Variants in HAUS2 observed in about 807,000 individuals in gnomAD.
HAUS2 encodes HAUS augmin-like complex subunit 2.
In HAUS2, 20 loss-of-function variants were observed where a neutral mutation model predicts 21.6. The observed-to-expected ratio is 0.93, with a 90% confidence interval of 0.65 to 1.35. HAUS2 has a LOEUF of 1.35. Ranked by LOEUF, HAUS2 falls within the 40% of genes most tolerant of loss-of-function variation. The pLI is 0.00. For synonymous variants in HAUS2, 113 were observed against 95.6 expected, an observed-to-expected ratio of 1.18 and a Z score of -1.06; for missense variants, 297 against 280.7, an observed-to-expected ratio of 1.06 and a Z score of -0.42.
rs1196388265 is a variant in HAUS2 at position 42,569,472 on chromosome 15, A to C, written c.*2656A>C. On this transcript the variant is annotated 3_prime_UTR_variant, in exon 6 of 6. Transcript: ENST00000260372. ...TAGGCACGCGCCACCACGCCTGGCT[A>C]ATTTTTGTATTTTCTGTAGAGACAG... 6.6e-6 allele frequency: 1 copy of C among 151,676 alleles called. No homozygotes were observed. The highest frequency in any genetic ancestry group is 1.5e-5 in the Non-Finnish European group (1 of 67,992). 9.4% of individuals were successfully genotyped at this position (151,676 alleles called of 1,614,324 possible).
chr15:42,558,413 C>T (rs756970907), intron 2 of HAUS2, 123 bp downstream of exon 2: 23 of 541,916 alleles, frequency 4.2e-5, no homozygotes, highest in African/African-American at 6.0e-5. Context: ...CTGCAAACTC[C>T]GCCTCCCAGG....
At chr15:42,556,952 G>A (rs1260814319) in intron 1 of HAUS2, among the ~76,000 whole-genome samples, 2 of 151,896 alleles carry the variant, frequency 1.3e-5, no homozygotes, top group East Asian at 3.9e-4. Flanking sequence ...GCTAAGGCAG[G>A]AGAATCAGTT....
Position 42,552,097 on chromosome 15 carries a change from A to G in HAUS2, c.93+3132A>G, listed in dbSNP as rs556562437. Reference sequence around the variant, plus strand: ...GAGTACAGTGGCACAATCTTGGCTCACTGCAACCTCCGCCTCCTTGGTTCA... The same window carrying G: ...GAGTACAGTGGCACAATCTTGGCTCGCTGCAACCTCCGCCTCCTTGGTTCA... On this transcript the variant is annotated intron_variant, in intron 1 of 5. Coordinates refer to ENST00000260372, the MANE Select transcript of HAUS2 (RefSeq NM_018097.3). 3.7e-4 allele frequency among the ~76,000 whole-genome samples: 56 copies of G among 151,928 alleles called. 1 individual carries two copies. The South Asian group carries it at 0.011, about 30-fold the overall frequency.
At chr15:42,552,906 G>A (rs1264217461) in intron 1 of HAUS2, among the ~76,000 whole-genome samples, 1 of 151,992 alleles carries the variant, frequency 6.6e-6, no homozygotes, top group African/African-American at 2.4e-5. Flanking sequence ...GTATGAAAAG[G>A]AAGGGATAGG....
At chr15:42,554,430 T>C (rs2057752293) in intron 1 of HAUS2, among the ~76,000 whole-genome samples, 1 of 152,086 alleles carries the variant, frequency 6.6e-6, no homozygotes, top group East Asian at 1.9e-4. Context: ...ATGTAAACTC[T>C]GTACTATTCC....
chr15:42,552,731 A>G (rs961683265), intron 1 of HAUS2, among the ~76,000 whole-genome samples: 6 of 152,286 alleles, frequency 3.9e-5, no homozygotes, highest in African/African-American at 1.4e-4. Flanking sequence ...TTGGCAATTA[A>G]TAAGATCAGG....
intron 1 of HAUS2, among the ~76,000 whole-genome samples, chr15:42,555,225 A>G (rs531737756): frequency 7.9e-5 from 12 of 151,334 alleles, no homozygotes; most frequent in Admixed American, 7.2e-4. Context: ...TGACCTCGTG[A>G]TCTGCCCACC....
chr15:42,552,577 G>GTT (rs2057736781), intron 1 of HAUS2, among the ~76,000 whole-genome samples: 2 of 152,168 alleles, frequency 1.3e-5, no homozygotes, highest in Non-Finnish European at 2.9e-5. Context: ...TTTGGTGAAA[G>GTT]AAAGGTAGGG....
intron 1 of HAUS2, among the ~76,000 whole-genome samples, chr15:42,552,861 C>T (rs2057738852): frequency 6.6e-6 from 1 of 152,144 alleles, no homozygotes; most frequent in Admixed American, 6.5e-5. Flanking sequence ...CTCTGCTATA[C>T]TACCTCCCTT....
chr15:42,551,027 C>T (rs1417274044), intron 1 of HAUS2, among the ~76,000 whole-genome samples: 2 of 139,766 alleles, frequency 1.4e-5, no homozygotes, highest in African/African-American at 2.7e-5. Context: ...ACATAGTCTC[C>T]CTCTGTTGCC....
At chr15:42,553,179 G>T (rs185882380) in intron 1 of HAUS2, among the ~76,000 whole-genome samples, 471 of 152,028 alleles carry the variant, frequency 3.1e-3, no homozygotes, top group African/African-American at 0.011. Flanking sequence ...TAGAGACGGG[G>T]TTTCACCATG....
At chr15:42,560,832 A>G (rs1457851606) in intron 3 of HAUS2, 11 of 702,142 alleles carry the variant, frequency 1.6e-5, no homozygotes, top group South Asian at 4.4e-5. Context: ...CATGGCCTCA[A>G]TTCTCCCGTT....
chr15:42,548,922 G>A lies in HAUS2; in HGVS notation c.50G>A (p.Gly17Glu). The A allele has an allele frequency of 1.3e-6, 2 of 1,552,146 alleles. No individual in the cohort carries two copies. The highest frequency in any genetic ancestry group is 1.2e-5 in the South Asian group (1 of 84,144). ...CCGGCGTCCGCGCCTAACGGCGCTG[G>A]GCTAGTGCTAGGCCACTTCATAGCT... Reference protein sequence around the residue: ...WDPASAPNGAGLVLGHFIASG... With the variant: ...WDPASAPNGAELVLGHFIASG... The change falls in exon 1 of 6, where the codon GGG becomes GAG. Residue 17 changes from glycine (G) to glutamate (E), a missense_variant. Gly to Glu is a moderately conservative substitution (Grantham distance 98). Transcript: ENST00000260372.
rs766840791 is a variant in HAUS2 at position 42,566,737 on chromosome 15, A to G, written c.629A>G (p.Tyr210Cys). ...CCCAAAATATTAGCTGAAGAAAGTT[A>G]TCTTTATAAACATGATATTATAATG... is the stretch of plus-strand genomic sequence containing the variant. ...CIPKILAEES[Y>C]LYKHDIIMPP... Residue 210 changes from tyrosine (Y) to cysteine (C), a missense_variant, in exon 6 of 6, where the codon TAT (tyrosine) becomes TGT (cysteine). Coordinates refer to ENST00000260372, the MANE Select transcript of HAUS2 (RefSeq NM_018097.3). 2 of 1,559,506 alleles carry G rather than the reference A, an allele frequency of 1.3e-6. No homozygotes were observed. Among genetic ancestry groups the G allele is most frequent in the Non-Finnish European group, 1.8e-6 (2 of 1,130,530 alleles).
At chr15:42,553,479 C>CT (rs11434263) in intron 1 of HAUS2, among the ~76,000 whole-genome samples, 38,311 of 147,524 alleles carry the variant, frequency 0.26, 5,246 homozygotes, top group African/African-American at 0.36. Context: ...ATACTTTTTT[C>CT]TTTTTTTTTT....
At chr15:42,550,284 G>GAA (rs61442261) in intron 1 of HAUS2, among the ~76,000 whole-genome samples, 86 of 98,358 alleles carry the variant, frequency 8.7e-4, no homozygotes, top group African/African-American at 1.9e-3. Flanking sequence ...CTGTCTCAGG[G>GAA]AAAAAAAAAA....
At chr15:42,555,092 C>T (rs1310185296) in intron 1 of HAUS2, among the ~76,000 whole-genome samples, 2 of 151,378 alleles carry the variant, frequency 1.3e-5, no homozygotes, top group African/African-American at 4.9e-5. Context: ...TGGGTTCAAG[C>T]GATTCTCCTG....
Position 42,561,252 on chromosome 15 carries a change from G to GT in HAUS2, c.257-12dup, listed in dbSNP as rs577648248. 48 of 1,478,914 alleles carry GT rather than the reference G, an allele frequency of 3.2e-5. No homozygotes were observed. Among genetic ancestry groups the GT allele is most frequent in the Non-Finnish European group, 4.2e-5 (45 of 1,060,528 alleles). The allele number at this position is 1,478,914 out of a possible 1,614,324, so 91.6% of individuals were successfully genotyped here. A position where few individuals can be genotyped will look rare whatever the true frequency, so the allele number is the denominator to read the frequency against. ...TGTCCTATTGCTAACTATAATTACTGTTTTTTAATTTGTATAGCTCAGAAG... is the reference window on the plus strand; with the variant it reads ...TGTCCTATTGCTAACTATAATTACTGTTTTTTTAATTTGTATAGCTCAGAAG... On this transcript the variant is annotated splice_polypyrimidine_tract_variant and intron_variant, in intron 3 of 5. Coordinates refer to ENST00000260372, the MANE Select transcript of HAUS2 (RefSeq NM_018097.3).
intron 1 of HAUS2, among the ~76,000 whole-genome samples, chr15:42,557,456 A>G (rs1187690893): frequency 6.9e-6 from 1 of 143,932 alleles, no homozygotes; most frequent in African/African-American, 2.6e-5. Context: ...TATATAATAT[A>G]TACATTGTAT....
Sources: allele counts gnomAD v4.1 joint callset (sites outside exome capture counted in the v4.1 genomes callset), GRCh38; gene constraint gnomAD v4.1.1; transcripts MANE v1.5; gene names NCBI Gene and HGNC (gene_info 2026-07-23, HGNC 2026-07-21).